AVEN: variants seen among roughly 807,000 people sequenced by gnomAD.
AVEN encodes the protein apoptosis and caspase activation inhibitor, also known as cell death regulator Aven.
A neutral mutation model predicts 38.1 loss-of-function variants in AVEN; 41 were observed. The observed-to-expected ratio is 1.08, with a 90% CI of 0.84 to 1.40. The LOEUF is 1.40. AVEN is among the 40% of genes most tolerant of loss of function. The probability of loss-of-function intolerance (pLI) is 0.00; values close to 1 mark genes in which losing one functional copy is unlikely to be tolerated. For synonymous variants in AVEN, 206 were observed against 171.8 expected, an observed-to-expected ratio of 1.20 and a Z score of -1.56; for missense variants, 605 against 438.8, an observed-to-expected ratio of 1.38 and a Z score of -3.38.
upstream of AVEN, among the ~76,000 whole-genome samples, chr15:34,040,641 G>C (rs1340465911): frequency 6.6e-6 from 1 of 151,984 alleles, no homozygotes; most frequent in Non-Finnish European, 1.5e-5. Flanking sequence ...AGATTACACA[G>C]TTACAGGCCA....
At chr15:33,946,028 G>C (rs2153054935) in intron 2 of AVEN, among the ~76,000 whole-genome samples, 1 of 152,232 alleles carries the variant, frequency 6.6e-6, no homozygotes, top group South Asian at 2.1e-4. Context: ...TTAGTGTCTG[G>C]CACATAGTCA....
chr15:34,052,442 A>C (rs1317520464), intron 5 of AVEN, among the ~76,000 whole-genome samples: 1 of 152,212 alleles, frequency 6.6e-6, no homozygotes, highest in African/African-American at 2.4e-5. Flanking sequence ...AGCACAAGAC[A>C]AGGGTACTCT....
At chr15:33,863,264 G>GTATC (rs1473374694), downstream of AVEN, among the ~76,000 whole-genome samples, 4 of 152,144 alleles carry the variant, frequency 2.6e-5, no homozygotes, top group African/African-American at 9.7e-5. Flanking sequence ...CAGCCCCTAC[G>GTATC]TATCAAACAG....
At chr15:33,985,714 G>T (rs995036476) in intron 2 of AVEN, among the ~76,000 whole-genome samples, 1 of 152,090 alleles carries the variant, frequency 6.6e-6, no homozygotes, top group Non-Finnish European at 1.5e-5. Flanking sequence ...TGTTTGGTAA[G>T]TAAGTACCTA....
Position 34,063,529 on chromosome 15 carries a change from G to C in AVEN, n.1127-97C>G, listed in dbSNP as rs767472455. On this transcript the variant is annotated intron_variant and non_coding_transcript_variant, in intron 4 of 11. Transcript: ENST00000675287. This position sits in a 1 kb window ranked among gnomAD's most constrained non-coding sequence, Gnocchi z 4.1. ...CAGCGGGAAAGGAACCAGGCCTCCTGGTCATCCTCCCGCAGGAGCACCTCC... is the reference window on the plus strand; with the variant it reads ...CAGCGGGAAAGGAACCAGGCCTCCTCGTCATCCTCCCGCAGGAGCACCTCC... 1 of 1,613,640 alleles carries C rather than the reference G, an allele frequency of 6.2e-7. No homozygotes were observed. Among genetic ancestry groups the C allele is most frequent in the East Asian group, 2.2e-5 (1 of 44,876 alleles).
chr15:33,941,722 T>G lies in AVEN; in HGVS notation c.445+61310A>C, dbSNP rs188004997. ...ATATCCTATGAAAGAAGAAAATCTA[T>G]TAAAAACAAAAAAAAATAGAACTTA... On this transcript the variant is annotated intron_variant, in intron 2 of 5. Transcript: ENST00000306730. Among the ~76,000 whole-genome samples, 434 of 152,150 alleles carry G rather than the reference T, an allele frequency of 2.9e-3. 1 individual carries two copies. Among genetic ancestry groups the G allele is most frequent in the Non-Finnish European group, 2.0e-3 (137 of 67,976 alleles).
At chr15:34,034,285 A>G (rs1899009278) in intron 1 of AVEN, among the ~76,000 whole-genome samples, 1 of 152,038 alleles carries the variant, frequency 6.6e-6, no homozygotes, top group African/African-American at 2.4e-5. Context: ...TACAAAATAT[A>G]AAAATATTAG....
intron 2 of AVEN, among the ~76,000 whole-genome samples, chr15:33,962,117 T>A (rs544206963): frequency 6.6e-6 from 1 of 151,910 alleles, no homozygotes; most frequent in Non-Finnish European, 1.5e-5. Flanking sequence ...TGGTGTTACA[T>A]GTAAGTGGCA....
chr15:33,864,098 CTTGACCA>C (rs1179708184), downstream of AVEN: 4 of 1,511,414 alleles, frequency 2.6e-6, no homozygotes, highest in Non-Finnish European at 2.7e-6. Context: ...GAACTTGGGT[CTTGACCA>C]GAGTATCTAA....
rs1894220958 is a variant in AVEN, at chr15:33,939,321, C to A, written c.446-63326G>T. ...TTAATTAATTACAATTCATAAACTG[C>A]CAGAGTATCAAATGGAACCATTTTA... On this transcript the variant is annotated intron_variant, in intron 2 of 5. Transcript: ENST00000306730. 3.3e-5 allele frequency among the ~76,000 whole-genome samples: 5 copies of A among 152,274 alleles called. No individual in the cohort carries two copies. The South Asian group carries it at 1.0e-3, about 32-fold the overall frequency.
At chr15:34,004,804 T>C (rs1897273362) in intron 1 of AVEN, among the ~76,000 whole-genome samples, 1 of 152,152 alleles carries the variant, frequency 6.6e-6, no homozygotes, top group African/African-American at 2.4e-5. Flanking sequence ...TTTGCATGTA[T>C]TTAAATTTTT....
chr15:33,896,051 C>T (rs1289001498), intron 2 of AVEN, among the ~76,000 whole-genome samples: 1 of 152,138 alleles, frequency 6.6e-6, no homozygotes, highest in Non-Finnish European at 1.5e-5. Flanking sequence ...TTGCTCTGGT[C>T]TCACCTAACA....
At chr15:33,905,215 C>CA (rs1401012261) in intron 2 of AVEN, among the ~76,000 whole-genome samples, 6 of 31,636 alleles carry the variant, frequency 1.9e-4, no homozygotes, top group Middle Eastern at 0.017. Flanking sequence ...ACAAAACAAA[C>CA]AAACAAAAAA....
At chr15:33,996,582 C>A (rs916659015) in intron 2 of AVEN, among the ~76,000 whole-genome samples, 18 of 152,330 alleles carry the variant, frequency 1.2e-4, no homozygotes, top group African/African-American at 3.8e-4. Context: ...GTGGACCTCC[C>A]ACAAACTCCA....
intron 2 of AVEN, among the ~76,000 whole-genome samples, chr15:33,937,916 C>T (rs539561423): frequency 1.1e-4 from 7 of 65,040 alleles, no homozygotes; most frequent in Non-Finnish European, 2.3e-4. Context: ...TGAACTAATA[C>T]AAATCCCTAC....
intron 2 of AVEN, among the ~76,000 whole-genome samples, chr15:33,953,207 C>T (rs970333428): frequency 6.6e-6 from 1 of 152,140 alleles, no homozygotes; most frequent in Admixed American, 6.5e-5. Flanking sequence ...AATGACCATA[C>T]TGCCCAAGGT....
At chr15:33,866,800 A>ATTACT in intron 5 of AVEN, 72 bp from the exon 6 acceptor site, 2 of 1,077,234 alleles carry the variant, frequency 1.9e-6, no homozygotes, top group Non-Finnish European at 2.8e-6. Flanking sequence ...AGCCCAATTT[A>ATTACT]TTACTTTCCT....
At chr15:33,853,519 T>A in the AVEN span, 2 of 1,604,396 alleles carry the variant, frequency 1.2e-6, no homozygotes, top group Admixed American at 3.4e-5. Flanking sequence ...GGTGGTGGCG[T>A]GTGGCCTGAG....
At chr15:33,916,817 A>C (rs903715511) in intron 2 of AVEN, among the ~76,000 whole-genome samples, 17 of 147,424 alleles carry the variant, frequency 1.2e-4, no homozygotes, top group African/African-American at 4.2e-4. Context: ...GGTAATTTAG[A>C]AAAAAAAAAA....
Sources: allele counts gnomAD v4.1 joint callset (sites outside exome capture counted in the v4.1 genomes callset), GRCh38; gene constraint gnomAD v4.1.1; non-coding constraint Gnocchi (gnomAD v3.1); transcripts MANE v1.5; gene names NCBI Gene and HGNC (gene_info 2026-07-23, HGNC 2026-07-21).